FBXL7: variants seen among roughly 807,000 people sequenced by gnomAD.
FBXL7 encodes the protein F-box and leucine rich repeat protein 7, also known as F-box/LRR-repeat protein 7.
In FBXL7, 12 loss-of-function variants were observed where a neutral mutation model predicts 38.3. The observed-to-expected ratio is 0.31, with a 90% CI of 0.20 to 0.51. FBXL7 has a LOEUF of 0.51. FBXL7 is among the 20% of genes least tolerant of loss of function. The probability of loss-of-function intolerance (pLI) is 0.98; values close to 1 mark genes in which losing one functional copy is unlikely to be tolerated. For synonymous variants in FBXL7, 297 were observed against 300.9 expected (o/e 0.99, Z 0.13); for missense variants, 567 against 676.4 (o/e 0.84, Z 1.79).
intron 1 of FBXL7, among the ~76,000 whole-genome samples, chr5:15,559,302 C>T (rs539249809): frequency 7.9e-4 from 120 of 152,264 alleles, no homozygotes; most frequent in African/African-American, 2.6e-3. Context: ...ATTCAGATAA[C>T]ATAACCATTT....
chr5:15,723,532 C>A (rs1224124663), intron 2 of FBXL7, among the ~76,000 whole-genome samples: 1 of 152,158 alleles, frequency 6.6e-6, no homozygotes, highest in Non-Finnish European at 1.5e-5. Context: ...AAACTACTGA[C>A]ATGGCACTGC....
chr5:15,905,980 A>G (rs1741348879), intron 2 of FBXL7, among the ~76,000 whole-genome samples: 1 of 152,120 alleles, frequency 6.6e-6, no homozygotes, highest in Non-Finnish European at 1.5e-5. Context: ...GCAACATCCT[A>G]GTATATAAAA....
chr5:15,745,464 A>T (rs532783141), intron 2 of FBXL7, among the ~76,000 whole-genome samples: 4 of 152,212 alleles, frequency 2.6e-5, no homozygotes, highest in Non-Finnish European at 5.9e-5. Flanking sequence ...AGGAGAGGCA[A>T]TAAACAAATT....
intron 2 of FBXL7, among the ~76,000 whole-genome samples, chr5:15,760,546 C>A (rs1041176481): frequency 6.6e-6 from 1 of 151,950 alleles, no homozygotes; most frequent in Non-Finnish European, 1.5e-5. Flanking sequence ...ACACATTGAG[C>A]TTTACCTAGG....
chr5:15,880,337 C>A (rs905661930), intron 2 of FBXL7, among the ~76,000 whole-genome samples: 2 of 152,204 alleles, frequency 1.3e-5, no homozygotes, highest in African/African-American at 4.8e-5. Context: ...TAGCACTAGC[C>A]CTCAGAGCTG....
At chr5:15,711,697 C>T (rs944008676) in intron 2 of FBXL7, among the ~76,000 whole-genome samples, 2 of 152,118 alleles carry the variant, frequency 1.3e-5, no homozygotes, top group African/African-American at 4.8e-5. Context: ...CAAAAGACAC[C>T]ATCCTGAATA....
At chr5:15,506,681 T>C (rs1283843794) in intron 1 of FBXL7, among the ~76,000 whole-genome samples, 1 of 152,026 alleles carries the variant, frequency 6.6e-6, no homozygotes, top group Admixed American at 6.6e-5. Context: ...GATTGCTGTC[T>C]TCTCATTGTA....
At chr5:15,788,594 G>A (rs1737191572) in intron 2 of FBXL7, among the ~76,000 whole-genome samples, 1 of 152,058 alleles carries the variant, frequency 6.6e-6, no homozygotes, top group African/African-American at 2.4e-5. Flanking sequence ...CCTTCTTCCA[G>A]CTTCTGTAGG....
chr5:15,796,433 A>G (rs984547028), intron 2 of FBXL7, among the ~76,000 whole-genome samples: 14 of 152,216 alleles, frequency 9.2e-5, no homozygotes, highest in African/African-American at 3.1e-4. Context: ...AACAGAGACC[A>G]TTTGGCCTGC....
At position 15,937,169 on chromosome 5, in the gene FBXL7, A is replaced by C. The variant is rs1236556872; in HGVS notation, c.1459A>C (p.Asn487His). 1.3e-6 allele frequency: 2 copies of C among 1,593,738 alleles called. No homozygotes were observed. The highest frequency in any genetic ancestry group is 1.3e-5 in the African/African-American group (1 of 74,580). The part of the protein sequence containing the change: ...HCKRCVIEHT[N>H]PAFF The stretch of plus-strand genomic sequence containing the variant: ...CAAGCGCTGCGTCATCGAGCACACC[A>C]ACCCGGCTTTCTTCTGAAGGGACAG... The change falls in exon 4 of 4, where the codon AAC becomes CAC. Residue 487 changes from asparagine (N) to histidine (H), a missense_variant. Coordinates refer to ENST00000504595, the MANE Select transcript of FBXL7 (RefSeq NM_012304.5).
intron 2 of FBXL7, among the ~76,000 whole-genome samples, chr5:15,664,469 C>CTTTTTTTTTTT (rs34999340): frequency 9.5e-6 from 1 of 105,534 alleles, no homozygotes; most frequent in African/African-American, 3.7e-5. Flanking sequence ...TTTTCTTTTC[C>CTTTTTTTTTTT]TTTTTTTTTT....
At chr5:15,641,941 TTGTGTGTGTGTGTGTGTGTG>T (rs199980981) in intron 2 of FBXL7, among the ~76,000 whole-genome samples, 1 of 141,522 alleles carries the variant, frequency 7.1e-6, no homozygotes, top group East Asian at 2.1e-4. Flanking sequence ...ACATAAAACC[TTGTGTGTGTGTGTGTGTGTG>T]TGTGTGTGTG....
intron 1 of FBXL7, among the ~76,000 whole-genome samples, chr5:15,521,415 CAGTG>C (rs1215949767): frequency 1.3e-5 from 2 of 152,132 alleles, no homozygotes; most frequent in African/African-American, 2.4e-5. Flanking sequence ...ATTAAATAAG[CAGTG>C]AGAGATGGTG....
At chr5:15,627,439 C>G (rs1032068429) in intron 2 of FBXL7, among the ~76,000 whole-genome samples, 2 of 152,168 alleles carry the variant, frequency 1.3e-5, no homozygotes, top group Admixed American at 6.5e-5. Flanking sequence ...AGAAATCTCA[C>G]TGGGTCCATG....
intron 1 of FBXL7, among the ~76,000 whole-genome samples, chr5:15,538,117 G>GC (rs1205502847): frequency 1.3e-5 from 2 of 152,150 alleles, no homozygotes; most frequent in Admixed American, 6.5e-5. Flanking sequence ...TTATCCAGGA[G>GC]CAGGAGATAA....
At chr5:15,857,724 A>G (rs1310503432) in intron 2 of FBXL7, among the ~76,000 whole-genome samples, 1 of 152,204 alleles carries the variant, frequency 6.6e-6, no homozygotes, top group Admixed American at 6.5e-5. Context: ...ATACAATTAG[A>G]TTGGGATCAG....
Position 15,938,182 on chromosome 5 carries a change from C to T in FBXL7, c.*996C>T. ...GTACACAAATACTTTCTGCATTCCCCCCTCCACACCATCCTAGCGAGGCAC... is the reference window on the plus strand; with the variant it reads ...GTACACAAATACTTTCTGCATTCCCTCCTCCACACCATCCTAGCGAGGCAC... On this transcript the variant is annotated 3_prime_UTR_variant, in exon 4 of 4. Coordinates refer to ENST00000504595, the MANE Select transcript of FBXL7 (RefSeq NM_012304.5). 6.6e-6 allele frequency: 1 copy of T among 152,144 alleles called. No individual in the cohort carries two copies. The highest frequency in any genetic ancestry group is 1.5e-5 in the Non-Finnish European group (1 of 68,050). 9.4% of individuals were successfully genotyped at this position (152,144 alleles called of 1,614,324 possible).
Position 15,812,710 on chromosome 5 carries a change from A to G in FBXL7, c.128-115180A>G, listed in dbSNP as rs183602146. On this transcript the variant is annotated intron_variant, in intron 2 of 3. Coordinates refer to ENST00000504595, the MANE Select transcript of FBXL7 (RefSeq NM_012304.5). ...GATGGGGATAGCATTGAATCTATAA[A>G]TTACTTTGGGCAGTATGGCCATTTT... 3.8e-3 allele frequency among the ~76,000 whole-genome samples: 579 copies of G among 152,226 alleles called. 9 individuals carry two copies. The highest frequency in any genetic ancestry group is 0.013 in the African/African-American group (560 of 41,512).
intron 2 of FBXL7, among the ~76,000 whole-genome samples, chr5:15,704,707 A>G (rs1250746403): frequency 6.6e-6 from 1 of 152,188 alleles, no homozygotes; most frequent in Non-Finnish European, 1.5e-5. Flanking sequence ...GAAATCCAGA[A>G]TGCTCTTTGT....
Sources: allele counts gnomAD v4.1 joint callset (sites outside exome capture counted in the v4.1 genomes callset), GRCh38; gene constraint gnomAD v4.1.1; transcripts MANE v1.5; gene names NCBI Gene and HGNC (gene_info 2026-07-23, HGNC 2026-07-21).